The following MELK variants were observed in gnomAD, a reference collection of about 807,000 sequenced individuals.
MELK encodes the protein pEg3 kinase.
A neutral mutation model predicts 85.0 loss-of-function variants in MELK; 81 were observed. The observed-to-expected ratio is 0.95, with a 90% CI of 0.80 to 1.15. MELK has a LOEUF of 1.15. MELK is among the 50% of genes most tolerant of loss of function. The pLI is 0.00. For missense variants in MELK, 754 were observed against 777.5 expected (o/e 0.97, Z 0.36); for synonymous variants, 252 against 265.0 (o/e 0.95, Z 0.48).
In MELK at chr9:36,674,907, C is replaced by G. The variant is rs141986091; in HGVS notation, c.1748C>G (p.Pro583Arg). The change falls in exon 17 of 18, where the codon CCA becomes CGA. Residue 583 changes from proline to arginine, a missense_variant. By Grantham distance (103) the Pro-to-Arg change is moderately radical. Transcript: ENST00000298048. ...QLLNEIMSIL[P>R]KKHVDFVQKG... Reference sequence around the variant, plus strand: ...TTGAATGAAATAATGTCTATTCTTCCAAAGAAGCATGTTGACTTTGTACAA... The same window carrying G: ...TTGAATGAAATAATGTCTATTCTTCGAAAGAAGCATGTTGACTTTGTACAA... The G allele has an allele frequency of 2.0e-4, 319 of 1,596,048 alleles. 1 individual carries two copies. In the East Asian group the frequency reaches 6.3e-3, roughly 31 times the overall value.
chr9:36,597,359 C>G (rs1824403532), intron 6 of MELK, 69 bp downstream of exon 6: 1 of 1,377,478 alleles, frequency 7.3e-7, no homozygotes, highest in Non-Finnish European at 1.0e-6. Flanking sequence ...GTGATTTTGT[C>G]CTGACTTCCA....
rs144127560 is a variant in MELK, at chr9:36,665,198, A to G, written c.1177-152A>G. On this transcript the variant is annotated intron_variant, in intron 13 of 17. Transcript: ENST00000298048. ...ATCTACATGTATTAAAGAAAACTAT[A>G]TATTTTCAAATTTCCTAATGTCAAT... is the stretch of plus-strand genomic sequence containing the variant. 9.5e-4 allele frequency: 573 copies of G among 604,556 alleles called. 2 individuals are homozygous for G. Among genetic ancestry groups the G allele is most frequent in the African/African-American group, 7.4e-3 (399 of 53,892 alleles). The allele number at this position is 604,556 out of a possible 1,614,324, so 37.4% of individuals were successfully genotyped here.
intron 11 of MELK, among the ~76,000 whole-genome samples, chr9:36,643,796 T>C (rs537736221): frequency 1.1e-4 from 16 of 151,850 alleles, no homozygotes; most frequent in Admixed American, 3.3e-4. Flanking sequence ...TAGCCGGGCG[T>C]TGTAGCAGAT....
At chr9:36,575,997 C>T (rs1038486300) in intron 1 of MELK, among the ~76,000 whole-genome samples, 5 of 152,074 alleles carry the variant, frequency 3.3e-5, no homozygotes, top group South Asian at 2.1e-4. Context: ...ATTTCTTAGT[C>T]CTATGGTTCC....
In MELK at chr9:36,633,202, T is replaced by C; in HGVS notation, c.834+2T>C. ...GTTGAGTGGCAAAGCAAGAATCCTG[T>C]AAGTAAAATGAAATCCAGTAGAATT... is the stretch of plus-strand genomic sequence containing the variant. On this transcript the variant is annotated splice_donor_variant, in intron 10 of 17. Coordinates refer to ENST00000298048, the MANE Select transcript of MELK (RefSeq NM_014791.4). LOFTEE classifies it high-confidence loss of function. 6.3e-7 allele frequency: 1 copy of C among 1,590,708 alleles called. No homozygotes were observed. The highest frequency in any genetic ancestry group is 8.5e-7 in the Non-Finnish European group (1 of 1,171,728).
At chr9:36,644,342 C>T (rs191834044) in intron 11 of MELK, among the ~76,000 whole-genome samples, 1 of 152,172 alleles carries the variant, frequency 6.6e-6, no homozygotes, top group East Asian at 1.9e-4. Context: ...TGTCTTCTAT[C>T]ACCTGTGATT....
chr9:36,614,425 G>GTTT (rs58332948), intron 8 of MELK, among the ~76,000 whole-genome samples: 3,048 of 118,902 alleles, frequency 0.026, 110 homozygotes, highest in African/African-American at 0.085. Context: ...TTATTTTTGG[G>GTTT]TTTTTTTTTT....
At chr9:36,635,859 C>T (rs1047068545) in intron 10 of MELK, among the ~76,000 whole-genome samples, 11 of 149,846 alleles carry the variant, frequency 7.3e-5, no homozygotes, top group African/African-American at 2.7e-4. Context: ...TGCAATGGCG[C>T]AGTCTCAGCT....
intron 5 of MELK, among the ~76,000 whole-genome samples, chr9:36,596,173 T>C (rs1023919028): frequency 1.3e-5 from 2 of 152,142 alleles, no homozygotes; most frequent in Non-Finnish European, 2.9e-5. Flanking sequence ...CTCACTCTTT[T>C]GGTTTAAATT....
chr9:36,613,880 A>G (rs1352738143), intron 8 of MELK, among the ~76,000 whole-genome samples: 1 of 152,106 alleles, frequency 6.6e-6, no homozygotes, highest in East Asian at 1.9e-4. Flanking sequence ...GTAGGCTCTC[A>G]TAAGGACTTT....
chr9:36,632,698 T>C (rs1828758117), intron 9 of MELK, among the ~76,000 whole-genome samples: 1 of 152,238 alleles, frequency 6.6e-6, no homozygotes, highest in Non-Finnish European at 1.5e-5. Context: ...ACTTGTTCTG[T>C]GTGATTGTAA....
intron 8 of MELK, among the ~76,000 whole-genome samples, chr9:36,614,156 G>C (rs1391173386): frequency 6.6e-6 from 1 of 151,296 alleles, no homozygotes; most frequent in East Asian, 1.9e-4. Flanking sequence ...GAGTGCAGTG[G>C]TGCGTCTTGG....
intron 3 of MELK, among the ~76,000 whole-genome samples, chr9:36,584,287 G>T (rs2135104209): frequency 6.9e-6 from 1 of 145,836 alleles, no homozygotes; most frequent in East Asian, 2.0e-4. Flanking sequence ...TTACAGTCGT[G>T]AGCCACCGCG....
intron 8 of MELK, among the ~76,000 whole-genome samples, chr9:36,615,043 C>T (rs1454384205): frequency 2.8e-5 from 4 of 144,322 alleles, no homozygotes; most frequent in East Asian, 2.1e-4. Context: ...ACCTCCCGGA[C>T]GGGGCAGCTG....
At chr9:36,574,430 C>CAAAAAAAAAA (rs78915626) in intron 1 of MELK, among the ~76,000 whole-genome samples, 24 of 79,806 alleles carry the variant, frequency 3.0e-4, no homozygotes, top group South Asian at 4.7e-4. Context: ...ACTAAAAATA[C>CAAAAAAAAAA]AAAAAAAAAA....
chr9:36,639,800 G>T (rs1038564401), intron 10 of MELK, among the ~76,000 whole-genome samples: 2 of 152,238 alleles, frequency 1.3e-5, no homozygotes, highest in Non-Finnish European at 2.9e-5. Flanking sequence ...CATATGCCTT[G>T]TGGTAAAGGT....
At chr9:36,639,020 T>C (rs183215786) in intron 10 of MELK, among the ~76,000 whole-genome samples, 183 of 152,334 alleles carry the variant, frequency 1.2e-3, no homozygotes, top group Non-Finnish European at 1.9e-3. Flanking sequence ...ATCTGGTGTC[T>C]GTTGAAGTAG....
chr9:36,630,731 G>T (rs1828488859), intron 9 of MELK, among the ~76,000 whole-genome samples: 2 of 152,148 alleles, frequency 1.3e-5, no homozygotes, highest in African/African-American at 2.4e-5. Flanking sequence ...TTGGCTCACT[G>T]CAACCTTCGC....
At chr9:36,675,577 G>A (rs1413335569) in intron 17 of MELK, among the ~76,000 whole-genome samples, 1 of 152,120 alleles carries the variant, frequency 6.6e-6, no homozygotes, top group East Asian at 1.9e-4. Flanking sequence ...CATTTCAAAT[G>A]AATCAGGGAT....
Sources: gnomAD v4.1 joint callset for allele counts (sites outside exome capture counted in the v4.1 genomes callset) on GRCh38, gnomAD v4.1.1 for gene constraint, MANE v1.5 for transcripts, NCBI Gene and HGNC (gene_info 2026-07-23, HGNC 2026-07-21) for gene names.